CDH4: variants seen among roughly 807,000 people sequenced by gnomAD.
The protein encoded by CDH4 is cadherin-4.
A neutral mutation model predicts 86.0 loss-of-function variants in CDH4; 33 were observed. The observed-to-expected ratio is 0.38, with a 90% CI of 0.29 to 0.51. CDH4 has a LOEUF of 0.51. Among genes scored for constraint, CDH4 ranks in the 20% least tolerant of loss-of-function variants. CDH4 has a pLI of 0.86. For missense variants in CDH4, 1,114 were observed against 1,307.4 expected, an observed-to-expected ratio of 0.85 and a Z score of 2.28; for synonymous variants, 555 against 549.4, an observed-to-expected ratio of 1.01 and a Z score of -0.14.
At chr20:61,859,214 G>A (rs896275039) in intron 6 of CDH4, among the ~76,000 whole-genome samples, 7 of 152,126 alleles carry the variant, frequency 4.6e-5, no homozygotes, top group Admixed American at 2.0e-4. Context: ...TCAAGGAAAC[G>A]ACTCTTCATG....
At chr20:61,839,634 TTG>T (rs1162053875) in intron 4 of CDH4, among the ~76,000 whole-genome samples, 3 of 151,686 alleles carry the variant, frequency 2.0e-5, no homozygotes, top group Non-Finnish European at 2.9e-5. Flanking sequence ...GTGTGCATGT[TTG>T]TGTTTGTGTC....
At chr20:61,496,176 G>T (rs550896902) in intron 2 of CDH4, among the ~76,000 whole-genome samples, 39 of 152,162 alleles carry the variant, frequency 2.6e-4, no homozygotes, top group Admixed American at 2.5e-3. Flanking sequence ...GAGGCAGAAG[G>T]ATCACTTAAG....
intron 2 of CDH4, among the ~76,000 whole-genome samples, chr20:61,366,088 C>A (rs550209199): frequency 3.3e-5 from 5 of 152,312 alleles, no homozygotes; most frequent in African/African-American, 1.2e-4. Context: ...GCCGGCCAGC[C>A]GCAGTCAGAA....
chr20:61,452,378 T>G (rs6121953), intron 2 of CDH4, among the ~76,000 whole-genome samples: 1 of 152,206 alleles, frequency 6.6e-6, no homozygotes, highest in Non-Finnish European at 1.5e-5. Flanking sequence ...AGTAGCTTTA[T>G]GTAGGGAGCT....
chr20:61,371,211 C>A (rs115240948), intron 2 of CDH4, among the ~76,000 whole-genome samples: 3 of 152,134 alleles, frequency 2.0e-5, no homozygotes. Context: ...CTGTGCAGTG[C>A]TGGCGGTGAT....
chr20:61,905,785 T>C (rs1328891867), intron 8 of CDH4, among the ~76,000 whole-genome samples: 1 of 152,058 alleles, frequency 6.6e-6, no homozygotes, highest in Non-Finnish European at 1.5e-5. Flanking sequence ...GGAAAGTGGA[T>C]ATCTGGAAAA....
rs376293408 is a variant in CDH4 at position 61,783,837 on chromosome 20, G to A, written c.576+10655G>A. Among the ~76,000 whole-genome samples, 76 of 53,654 alleles carry A rather than the reference G, an allele frequency of 1.4e-3. 4 individuals are homozygous for A. The highest frequency in any genetic ancestry group is 4.4e-3 in the African/African-American group (52 of 11,840). 35.2% of individuals were successfully genotyped at this position (53,654 alleles called of 152,430 possible). A position where few individuals can be genotyped will look rare whatever the true frequency, so the allele number is the denominator to read the frequency against. ...GAGAAATGTAATCCCAGTTCCTCGGGACAGTTCTCAAGGCCCTCAGATGTC... is the reference window on the plus strand; with the variant it reads ...GAGAAATGTAATCCCAGTTCCTCGGAACAGTTCTCAAGGCCCTCAGATGTC... On this transcript the variant is annotated intron_variant, in intron 4 of 15. Transcript: ENST00000614565.
chr20:61,839,396 T>C (rs1427234082), intron 4 of CDH4, among the ~76,000 whole-genome samples: 1 of 151,858 alleles, frequency 6.6e-6, no homozygotes, highest in Non-Finnish European at 1.5e-5. Flanking sequence ...TATGTGTATT[T>C]GTGTTGTGTG....
At chr20:61,931,102 A>G (rs2055103684) in intron 13 of CDH4, among the ~76,000 whole-genome samples, 1 of 152,192 alleles carries the variant, frequency 6.6e-6, no homozygotes, top group Admixed American at 6.5e-5. Flanking sequence ...GGGCACCCGG[A>G]GTGGCCTCCC....
chr20:61,680,438 TGGGAGGCTGTG>T (rs1207419672), intron 2 of CDH4, among the ~76,000 whole-genome samples: 1 of 152,056 alleles, frequency 6.6e-6, no homozygotes, highest in East Asian at 1.9e-4. Flanking sequence ...TGAAATGTGA[TGGGAGGCTGTG>T]GGGAGAGTGA....
intron 2 of CDH4, among the ~76,000 whole-genome samples, chr20:61,559,519 CTTTTTTTTTTTTT>C (rs1156864328): frequency 9.5e-6 from 1 of 105,176 alleles, no homozygotes; most frequent in African/African-American, 4.2e-5. Context: ...ATTTTTTTTT[CTTTTTTTTTTTTT>C]TTTTTTGACA....
chr20:61,361,965 C>G (rs921881135), intron 2 of CDH4, among the ~76,000 whole-genome samples: 1 of 152,242 alleles, frequency 6.6e-6, no homozygotes, highest in African/African-American at 2.4e-5. Context: ...CATCTGCCAT[C>G]CCGGAGCCCA....
Position 61,417,424 on chromosome 20 carries a change from G to C in CDH4, c.169+162487G>C, listed in dbSNP as rs936708261. ...TATTCCACCTTGAGCCAGCTGTGGG[G>C]TGTGGGGCCCGAGTGCCAGCTGTTT... On this transcript the variant is annotated intron_variant, in intron 2 of 15. Coordinates refer to ENST00000614565, the MANE Select transcript of CDH4 (RefSeq NM_001794.5). This position sits in a 1 kb window ranked among gnomAD's most constrained non-coding sequence, Gnocchi z 4.0. Among the ~76,000 whole-genome samples, 2 of 152,124 alleles carry C rather than the reference G, an allele frequency of 1.3e-5. No individual in the cohort carries two copies. The highest frequency in any genetic ancestry group is 2.9e-5 in the Non-Finnish European group (2 of 68,034).
intron 9 of CDH4, among the ~76,000 whole-genome samples, chr20:61,911,872 A>G (rs1600764976): frequency 6.6e-6 from 1 of 152,240 alleles, no homozygotes; most frequent in African/African-American, 2.4e-5. Context: ...GAGTTGGATC[A>G]TTTAGAAATT....
In CDH4 at chr20:61,806,121, C is replaced by T. The variant is rs1047069294; in HGVS notation, c.576+32939C>T. ...CAGGATGTCATTCTGGAAGGAATTC[C>T]ACATGTGTGTCTGTTCTAGGCAACA... On this transcript the variant is annotated intron_variant, in intron 4 of 15. Coordinates refer to ENST00000614565, the MANE Select transcript of CDH4 (RefSeq NM_001794.5). Among the ~76,000 whole-genome samples the T allele has an allele frequency of 1.6e-4, 24 of 152,242 alleles. No homozygotes were observed. In the East Asian group the frequency reaches 1.9e-3, roughly 12 times the overall value.
At chr20:61,718,710 C>G (rs1231149135) in intron 2 of CDH4, 1 of 432,532 alleles carries the variant, frequency 2.3e-6, no homozygotes, top group East Asian at 7.2e-5. Context: ...TTAGCTTACT[C>G]AACTGAAACA....
chr20:61,803,582 C>T (rs1184974673), intron 4 of CDH4, among the ~76,000 whole-genome samples: 3 of 152,184 alleles, frequency 2.0e-5, no homozygotes, highest in Non-Finnish European at 2.9e-5. Context: ...TCTGCTACCG[C>T]GGGCGAGCCG....
intron 2 of CDH4, among the ~76,000 whole-genome samples, chr20:61,502,266 T>C (rs970442751): frequency 2.6e-5 from 4 of 152,214 alleles, no homozygotes; most frequent in African/African-American, 7.2e-5. Flanking sequence ...CTGCTCCTGC[T>C]GTAAGGTGCT....
intron 2 of CDH4, among the ~76,000 whole-genome samples, chr20:61,734,971 G>A (rs1218661175): frequency 6.6e-6 from 1 of 151,914 alleles, no homozygotes; most frequent in Non-Finnish European, 1.5e-5. Context: ...TCGGGCAGGC[G>A]CCTGGTGATG....
Sources: allele counts gnomAD v4.1 joint callset (sites outside exome capture counted in the v4.1 genomes callset), GRCh38; gene constraint gnomAD v4.1.1; non-coding constraint Gnocchi (gnomAD v3.1); transcripts MANE v1.5; gene names NCBI Gene and HGNC (gene_info 2026-07-23, HGNC 2026-07-21).